RELN: variants seen among roughly 807,000 people sequenced by gnomAD.
The protein encoded by RELN is reelin.
Under a neutral mutation model 427.6 loss-of-function variants are expected in RELN, and 108 were observed. That is an observed-to-expected ratio of 0.25 (90% CI 0.22 to 0.30). The LOEUF is 0.30. Ranked by LOEUF, RELN falls within the 10% of genes least tolerant of loss-of-function variation. RELN has a pLI of 1.00. For missense variants in RELN, 3,715 were observed against 4,302.8 expected, an observed-to-expected ratio of 0.86 and a Z score of 3.82; for synonymous variants, 1,524 against 1,513.4, an observed-to-expected ratio of 1.01 and a Z score of -0.16.
intron 10 of RELN, among the ~76,000 whole-genome samples, chr7:103,688,023 C>A (rs1327207759): frequency 6.6e-6 from 1 of 152,068 alleles, no homozygotes; most frequent in Non-Finnish European, 1.5e-5. Flanking sequence ...ATTAGCTTAA[C>A]AAATTATATT....
chr7:103,757,620 G>C (rs1239785258), intron 4 of RELN, among the ~76,000 whole-genome samples: 1 of 152,180 alleles, frequency 6.6e-6, no homozygotes, highest in South Asian at 2.1e-4. Context: ...AGAAAGAATG[G>C]GATGGAATAC....
At position 103,654,090 on chromosome 7, in the gene RELN, T is replaced by C; in HGVS notation, c.1554+3A>G. ...TATTTGCCACACAGACTGGCATGTGTACCTTATATGAGGAATAGGAAAGGG... is the reference window on the plus strand; with the variant it reads ...TATTTGCCACACAGACTGGCATGTGCACCTTATATGAGGAATAGGAAAGGG... On this transcript the variant is annotated splice_donor_region_variant and intron_variant, in intron 13 of 64. Transcript: ENST00000428762. 2.6e-6 allele frequency: 4 copies of C among 1,525,472 alleles called. No individual in the cohort carries two copies. Among genetic ancestry groups the C allele is most frequent in the Non-Finnish European group, 2.7e-6 (3 of 1,099,646 alleles). The allele number at this position is 1,525,472 out of a possible 1,614,324, so 94.5% of individuals were successfully genotyped here.
At chr7:103,957,893 C>G (rs935434887) in intron 1 of RELN, among the ~76,000 whole-genome samples, 1 of 152,168 alleles carries the variant, frequency 6.6e-6, no homozygotes, top group African/African-American at 2.4e-5. Context: ...TAGTAATAGT[C>G]TGAAGGATAA....
intron 4 of RELN, among the ~76,000 whole-genome samples, chr7:103,773,212 TCTCTCC>T: frequency 7.6e-6 from 1 of 131,134 alleles, no homozygotes; most frequent in Admixed American, 7.7e-5. Context: ...TCTCTCTCTC[TCTCTCC>T]CTCCCTCCCT....
At chr7:103,941,606 GA>G (rs1432874605) in intron 1 of RELN, among the ~76,000 whole-genome samples, 2 of 151,700 alleles carry the variant, frequency 1.3e-5, no homozygotes, top group Non-Finnish European at 2.9e-5. Flanking sequence ...CTAAAATTTT[GA>G]AAAAAATTTT....
rs1222485333 is a variant in RELN, at chr7:103,569,207, G to A, written c.4589-2448C>T. Among the ~76,000 whole-genome samples, 2 of 152,232 alleles carry A rather than the reference G, an allele frequency of 1.3e-5. No individual in the cohort carries two copies. Among genetic ancestry groups the A allele is most frequent in the Non-Finnish European group, 2.9e-5 (2 of 68,052 alleles). ...CAAGCAGCCTATGGACAGGTCTACA[G>A]AGTGAGAAACTGAAACCTCTTGCCA... On this transcript the variant is annotated intron_variant, in intron 31 of 64. Coordinates refer to ENST00000428762, the MANE Select transcript of RELN (RefSeq NM_005045.4). This position sits in a 1 kb window ranked among gnomAD's most constrained non-coding sequence, Gnocchi z 4.0.
chr7:103,529,855 A>G (rs896495011), intron 46 of RELN, among the ~76,000 whole-genome samples: 1 of 152,096 alleles, frequency 6.6e-6, no homozygotes, highest in Non-Finnish European at 1.5e-5. Context: ...TGAAACTTTT[A>G]AATTTATTAC....
chr7:103,909,038 G>T (rs538128911), intron 2 of RELN, among the ~76,000 whole-genome samples: 2 of 152,246 alleles, frequency 1.3e-5, no homozygotes, highest in African/African-American at 2.4e-5. Context: ...ATTTAGCCAG[G>T]TTATTCTAAG....
At chr7:103,987,598 C>T (rs1178510188) in intron 1 of RELN, among the ~76,000 whole-genome samples, 1 of 152,146 alleles carries the variant, frequency 6.6e-6, no homozygotes, top group Non-Finnish European at 1.5e-5. Context: ...ACTGAGAGAT[C>T]ATACCGGGCA....
intron 2 of RELN, among the ~76,000 whole-genome samples, chr7:103,875,433 G>C (rs1231315658): frequency 6.6e-6 from 1 of 152,082 alleles, no homozygotes; most frequent in African/African-American, 2.4e-5. Flanking sequence ...CCTACAAAAT[G>C]GGAGTATATG....
intron 41 of RELN, among the ~76,000 whole-genome samples, chr7:103,547,049 G>C (rs1313530064): frequency 6.6e-6 from 1 of 152,158 alleles, no homozygotes; most frequent in African/African-American, 2.4e-5. Context: ...GTAAAACTCA[G>C]TTCAAAGAAG....
At chr7:103,630,888 T>C (rs1312510084) in intron 19 of RELN, among the ~76,000 whole-genome samples, 2 of 141,682 alleles carry the variant, frequency 1.4e-5, no homozygotes, top group African/African-American at 5.3e-5. Context: ...TTTTAACTAA[T>C]GAGCAAATAA....
intron 3 of RELN, among the ~76,000 whole-genome samples, chr7:103,803,537 A>G (rs1238666510): frequency 1.3e-5 from 2 of 152,116 alleles, no homozygotes; most frequent in East Asian, 1.9e-4. Flanking sequence ...TGGTTGTCCA[A>G]TGGTTGATTA....
intron 27 of RELN, among the ~76,000 whole-genome samples, chr7:103,590,475 G>A (rs1450615144): frequency 6.6e-6 from 1 of 152,014 alleles, no homozygotes; most frequent in South Asian, 2.1e-4. Flanking sequence ...GCAGAGAATT[G>A]CTTGAACCTG....
intron 6 of RELN, among the ~76,000 whole-genome samples, chr7:103,737,840 G>A (rs13239238): frequency 0.29 from 44,567 of 151,862 alleles, 7,373 homozygotes; most frequent in Non-Finnish European, 0.38. Flanking sequence ...CCAATGCAAT[G>A]CCAATCATGG....
chr7:103,939,991 C>G (rs1187482366), intron 1 of RELN, among the ~76,000 whole-genome samples: 1 of 152,134 alleles, frequency 6.6e-6, no homozygotes. Context: ...TTCGTGAAAA[C>G]TCAACAATCT....
intron 1 of RELN, among the ~76,000 whole-genome samples, chr7:103,929,884 G>T (rs182738062): frequency 6.6e-6 from 1 of 152,198 alleles, no homozygotes; most frequent in African/African-American, 2.4e-5. Context: ...TGCTCTGCAC[G>T]TGTCTGCAAA....
intron 20 of RELN, among the ~76,000 whole-genome samples, chr7:103,614,218 A>G (rs1832030131): frequency 1.3e-5 from 2 of 152,238 alleles, no homozygotes; most frequent in African/African-American, 2.4e-5. Context: ...TATCTGTTCA[A>G]CTGGTAGAAT....
chr7:103,971,306 AAGAC>A (rs1796760159), intron 1 of RELN, among the ~76,000 whole-genome samples: 1 of 152,158 alleles, frequency 6.6e-6, no homozygotes, highest in South Asian at 2.1e-4. Context: ...CAAAAATTAA[AAGAC>A]AAAGGACAAA....
Sources: gnomAD v4.1 joint callset for allele counts (sites outside exome capture counted in the v4.1 genomes callset) on GRCh38, gnomAD v4.1.1 for gene constraint, Gnocchi (gnomAD v3.1) non-coding constraint, MANE v1.5 for transcripts, NCBI Gene and HGNC (gene_info 2026-07-23, HGNC 2026-07-21) for gene names.